Variants in TENM3 observed in about 807,000 individuals in gnomAD.
TENM3 encodes teneurin transmembrane protein 3, also known as teneurin-3.
In TENM3, 63 loss-of-function variants were observed where a neutral mutation model predicts 255.1. The ratio of observed to expected loss-of-function variants is 0.25; its 90% CI spans 0.20 to 0.30. The LOEUF is 0.30. Ranked by LOEUF, TENM3 falls within the 10% of genes least tolerant of loss-of-function variation. TENM3 has a pLI of 1.00. For synonymous variants in TENM3, 1,306 were observed against 1,322.3 expected (o/e 0.99, Z 0.27); for missense variants, 2,929 against 3,461.1 (o/e 0.85, Z 3.86).
chr4:182,434,135 A>T lies in TENM3; in HGVS notation c.511+87206A>T, dbSNP rs556977885. ...CCTCCATTAAAAAAAAAAAAGGTAG[A>T]GTAGTTTCAGAAGAAGTAAAAAGAA... On this transcript the variant is annotated intron_variant, in intron 3 of 27. Transcript: ENST00000511685. Among the ~76,000 whole-genome samples, 460 of 151,760 alleles carry T rather than the reference A, an allele frequency of 3.0e-3. 4 individuals carry two copies. Among genetic ancestry groups the T allele is most frequent in the Non-Finnish European group, 4.7e-3 (316 of 67,902 alleles).
chr4:181,551,027 AT>A, the TENM3 span, among the ~76,000 whole-genome samples: 3 of 152,226 alleles, frequency 2.0e-5, no homozygotes, highest in African/African-American at 2.4e-5. Flanking sequence ...CTCAGCATAT[AT>A]TGATAAAGTG....
chr4:182,305,673 A>G (rs17073035), intron 1 of TENM3, among the ~76,000 whole-genome samples: 8,237 of 152,294 alleles, frequency 0.054, 271 homozygotes, highest in South Asian at 0.099. Context: ...ACTTCTGCAC[A>G]GCGGCTCTTT....
chr4:181,829,205 C>T, the TENM3 span, among the ~76,000 whole-genome samples: 5 of 152,194 alleles, frequency 3.3e-5, no homozygotes, highest in African/African-American at 1.2e-4. Flanking sequence ...ACATCTGACA[C>T]TATCACTGTT....
chr4:181,616,349 G>A, the TENM3 span, among the ~76,000 whole-genome samples: 24 of 104,812 alleles, frequency 2.3e-4, no homozygotes, highest in African/African-American at 3.7e-4. Context: ...ACACACACAC[G>A]TATGCATATA....
chr4:181,735,169 T>C, the TENM3 span, among the ~76,000 whole-genome samples: 1 of 152,250 alleles, frequency 6.6e-6, no homozygotes, highest in Non-Finnish European at 1.5e-5. Context: ...TTACACTAAC[T>C]GCCATTTTTT....
At chr4:182,156,245 C>T (rs1377042265) in intron 1 of TENM3, among the ~76,000 whole-genome samples, 1 of 152,196 alleles carries the variant, frequency 6.6e-6, no homozygotes, top group Non-Finnish European at 1.5e-5. Context: ...AAAAAAGTCA[C>T]TGAAAGTTTA....
At chr4:182,213,034 A>C (rs1214874777) in intron 1 of TENM3, among the ~76,000 whole-genome samples, 2 of 152,138 alleles carry the variant, frequency 1.3e-5, no homozygotes, top group Non-Finnish European at 2.9e-5. Flanking sequence ...CTAGCATTCC[A>C]CTGGAGGATT....
the TENM3 span, among the ~76,000 whole-genome samples, chr4:181,796,149 G>A: frequency 8.3e-4 from 126 of 152,298 alleles, no homozygotes; most frequent in Middle Eastern, 0.017. Flanking sequence ...TCAAGGAGGA[G>A]GAGCGTAATA....
At chr4:182,387,992 A>T (rs908217136) in intron 3 of TENM3, among the ~76,000 whole-genome samples, 29 of 150,568 alleles carry the variant, frequency 1.9e-4, no homozygotes, top group Non-Finnish European at 3.7e-4. Context: ...TTGCTTTGGA[A>T]TTTTTTTTTC....
intron 1 of TENM3, among the ~76,000 whole-genome samples, chr4:182,310,090 C>T (rs1446119694): frequency 1.3e-5 from 2 of 152,210 alleles, no homozygotes; most frequent in African/African-American, 4.8e-5. Flanking sequence ...AGACTTTAGA[C>T]ATAGTTTTGT....
the TENM3 span, among the ~76,000 whole-genome samples, chr4:181,521,421 C>T: frequency 6.6e-6 from 1 of 152,200 alleles, no homozygotes; most frequent in Non-Finnish European, 1.5e-5. Context: ...AGTAAGGTTA[C>T]TTGAAACAGT....
the TENM3 span, among the ~76,000 whole-genome samples, chr4:181,999,225 GA>G: frequency 6.6e-6 from 1 of 152,122 alleles, no homozygotes; most frequent in African/African-American, 2.4e-5. Context: ...CTACTAAAAA[GA>G]GACTTTGTGA....
chr4:182,268,421 C>T (rs188225493), intron 1 of TENM3, among the ~76,000 whole-genome samples: 1 of 152,178 alleles, frequency 6.6e-6, no homozygotes, highest in Non-Finnish European at 1.5e-5. Context: ...GTCTTCGTCC[C>T]TCTGCAACCC....
At chr4:182,447,472 A>G (rs1004707544) in intron 3 of TENM3, among the ~76,000 whole-genome samples, 1 of 152,198 alleles carries the variant, frequency 6.6e-6, no homozygotes, top group Non-Finnish European at 1.5e-5. Flanking sequence ...AGTATGTTCA[A>G]GAAGATAAGG....
chr4:182,014,484 C>T, the TENM3 span, among the ~76,000 whole-genome samples: 1 of 152,090 alleles, frequency 6.6e-6, no homozygotes, highest in East Asian at 1.9e-4. Context: ...TAGAAGTGAG[C>T]GCATTTCCTC....
chr4:182,750,692 CTG>C (rs148774274), intron 19 of TENM3, among the ~76,000 whole-genome samples: 91 of 149,560 alleles, frequency 6.1e-4, no homozygotes, highest in Non-Finnish European at 4.5e-4. Context: ...AAGCATGTAA[CTG>C]TGTGTGTGTG....
In TENM3 at chr4:182,477,590, C is replaced by T. The variant is rs566841563; in HGVS notation, c.512-123334C>T. ...GACTTTCCTGTCAGGTTTATAATGT[C>T]TTTTCGTTCTTTATTTCTTGATTGC... On this transcript the variant is annotated intron_variant, in intron 3 of 27. Transcript: ENST00000511685. Among the ~76,000 whole-genome samples, 22 of 152,260 alleles carry T rather than the reference C, an allele frequency of 1.4e-4. 1 individual carries two copies. The South Asian group carries it at 4.4e-3, about 30-fold the overall frequency.
chr4:182,346,469 A>G (rs1764813525), intron 2 of TENM3, among the ~76,000 whole-genome samples, 182 bp from the exon 3 acceptor site: 1 of 152,038 alleles, frequency 6.6e-6, no homozygotes, highest in Non-Finnish European at 1.5e-5. Context: ...CCCTCCTCCC[A>G]TAATTGCGCC....
upstream of TENM3, chr4:182,144,483 GAGAA>G (rs1292999611): frequency 6.8e-6 from 1 of 147,460 alleles, no homozygotes; most frequent in African/African-American, 2.4e-5. Flanking sequence ...GCGCGGGGGA[GAGAA>G]AGAAAGTGAA....
Sources: gnomAD v4.1 joint callset for allele counts (sites outside exome capture counted in the v4.1 genomes callset) on GRCh38, gnomAD v4.1.1 for gene constraint, MANE v1.5 for transcripts, NCBI Gene and HGNC (gene_info 2026-07-23, HGNC 2026-07-21) for gene names.